Variants in MYPN observed in about 807,000 individuals in gnomAD.
MYPN encodes myopalladin.
MYPN carries 63 observed loss-of-function variants against 129.4 expected under a neutral mutation model. The observed-to-expected ratio is 0.49, with a 90% CI of 0.40 to 0.60. The LOEUF (loss-of-function observed/expected upper bound fraction) is 0.60, where lower values mean the gene tolerates loss of function less well. Among genes scored for constraint, MYPN ranks in the 20% least tolerant of loss-of-function variants. The pLI is 0.00. For missense variants in MYPN, 1,596 were observed against 1,635.4 expected, an observed-to-expected ratio of 0.98 and a Z score of 0.42; for synonymous variants, 629 against 600.9, an observed-to-expected ratio of 1.05 and a Z score of -0.68.
chr10:68,141,108 T>G (rs868539138), intron 2 of MYPN, among the ~76,000 whole-genome samples: 1 of 152,138 alleles, frequency 6.6e-6, no homozygotes, highest in South Asian at 2.1e-4. Flanking sequence ...CAGTGGCTCA[T>G]GCCTGTAATC....
upstream of MYPN, chr10:68,109,259 A>G (rs2042048853): frequency 5.6e-6 from 1 of 177,180 alleles, no homozygotes; most frequent in Non-Finnish European, 1.2e-5. Context: ...ATTTTTTTGA[A>G]TGATGAACTA....
chr10:68,122,089 G>A lies in MYPN; in HGVS notation c.651G>A (p.Ala217=), dbSNP rs2042252455. ...ERSSVPIPIP[A]DTRDNEVNHA... is the part of the protein sequence containing the mutation. The stretch of plus-strand genomic sequence containing the variant: ...CTTCTGTTCCCATCCCTATCCCTGC[G>A]GATACCAGGGATAATGAAGTGAATC... Residue 217 remains alanine, a synonymous_variant, in exon 2 of 20, where the codon GCG becomes GCA. Coordinates refer to ENST00000358913, the MANE Select transcript of MYPN (RefSeq NM_032578.4). 1.2e-6 allele frequency: 2 copies of A among 1,614,010 alleles called. No homozygotes were observed. Among genetic ancestry groups the A allele is most frequent in the South Asian group, 1.1e-5 (1 of 91,080 alleles).
In MYPN at chr10:68,093,157, C is replaced by T. The variant is rs139256576; in HGVS notation, c.-2+5165C>T. Among the ~76,000 whole-genome samples, 6 of 152,230 alleles carry T rather than the reference C, an allele frequency of 3.9e-5. No homozygotes were observed. The East Asian group carries it at 7.7e-4, about 20-fold the overall frequency. On this transcript the variant is annotated intron_variant, in intron 1 of 6. Coordinates refer to the MYPN transcript ENST00000685154. ...CCTCCCAAAGCGGTGGAATTTTAGG[C>T]GTGAGCCACCAGGTCCAGCTGTCTA... is the stretch of plus-strand genomic sequence containing the variant.
chr10:68,157,438 T>G (rs1200121811), intron 6 of MYPN, among the ~76,000 whole-genome samples: 1 of 152,122 alleles, frequency 6.6e-6, no homozygotes, highest in East Asian at 1.9e-4. Flanking sequence ...TTTTGTGGAC[T>G]AATACATCAC....
Position 68,122,173 on chromosome 10 carries a change from G to C in MYPN, c.735G>C (p.Ala245=). 3 of 1,610,838 alleles carry C rather than the reference G, an allele frequency of 1.9e-6. No homozygotes were observed. The highest frequency in any genetic ancestry group is 2.5e-6 in the Non-Finnish European group (3 of 1,178,112). ...RREAEQAASE[A]AGGDTTPGSS... ...AAGCGGAGCAGGCTGCCAGTGAGGC[G>C]GCTGGTGGAGACACTACACCAGGGT... Residue 245 remains alanine, a synonymous_variant, in exon 2 of 20, where the codon GCG becomes GCC. Coordinates refer to ENST00000358913, the MANE Select transcript of MYPN (RefSeq NM_032578.4).
intron 6 of MYPN, among the ~76,000 whole-genome samples, chr10:68,151,631 G>C (rs1240716391): frequency 1.3e-5 from 2 of 152,132 alleles, no homozygotes; most frequent in Admixed American, 1.3e-4. Context: ...TATCATGCCA[G>C]TTTGTCACAC....
intron 6 of MYPN, among the ~76,000 whole-genome samples, chr10:68,154,627 C>T (rs1191669409): frequency 6.6e-6 from 1 of 152,204 alleles, no homozygotes; most frequent in African/African-American, 2.4e-5. Context: ...CCAACTCCAT[C>T]CTAAAGCACT....
At chr10:68,176,954 T>C (rs1215253551) in intron 12 of MYPN, among the ~76,000 whole-genome samples, 14 of 152,260 alleles carry the variant, frequency 9.2e-5, no homozygotes, top group Admixed American at 9.2e-4. Context: ...ACCACACTTG[T>C]GGTTGTTAAT....
At chr10:68,158,166 CT>C in intron 6 of MYPN, 1 of 272,212 alleles carries the variant, frequency 3.7e-6, no homozygotes. Context: ...TGCGGGTGCC[CT>C]TTTTCTCCCT....
At position 68,126,635 on chromosome 10, in the gene MYPN, T is replaced by C. The variant is rs778828409; in HGVS notation, c.902+4295T>C. Among the ~76,000 whole-genome samples the C allele has an allele frequency of 5.9e-5, 9 of 152,228 alleles. No homozygotes were observed. In the East Asian group the frequency reaches 1.7e-3, roughly 29 times the overall value. The stretch of plus-strand genomic sequence containing the variant: ...AGAAAAGAAATCAAGCTGAACTTGG[T>C]GACACACCACAGAAGAAGGATGGGT... On this transcript the variant is annotated intron_variant, in intron 2 of 19. Transcript: ENST00000358913.
chr10:68,166,117 T>C (rs1454680436), intron 9 of MYPN, among the ~76,000 whole-genome samples, 177 bp from the exon 10 acceptor site: 3 of 152,196 alleles, frequency 2.0e-5, no homozygotes, highest in African/African-American at 7.2e-5. Flanking sequence ...TTTTTTATTT[T>C]TAATTTAATT....
chr10:68,114,554 G>C (rs571358080), intron 1 of MYPN, among the ~76,000 whole-genome samples: 2 of 152,114 alleles, frequency 1.3e-5, no homozygotes, highest in South Asian at 4.2e-4. Flanking sequence ...TCACCATGTT[G>C]ACCAGGCTGG....
chr10:68,194,835 C>A (rs2043578060), intron 14 of MYPN, among the ~76,000 whole-genome samples: 1 of 152,206 alleles, frequency 6.6e-6, no homozygotes, highest in South Asian at 2.1e-4. Flanking sequence ...TTATATCAAT[C>A]ATTCTATCAA....
At chr10:68,138,042 T>G (rs143966044) in intron 2 of MYPN, among the ~76,000 whole-genome samples, 130 of 152,224 alleles carry the variant, frequency 8.5e-4, no homozygotes, top group African/African-American at 3.0e-3. Flanking sequence ...TTAATAAAAG[T>G]AATGATTTTT....
chr10:68,188,245 G>A (rs1468534873), intron 12 of MYPN, among the ~76,000 whole-genome samples: 1 of 152,106 alleles, frequency 6.6e-6, no homozygotes, highest in Non-Finnish European at 1.5e-5. Context: ...CAGTAGCTGG[G>A]ATTATAGGTG....
intron 19 of MYPN, among the ~76,000 whole-genome samples, chr10:68,209,997 C>T (rs1299282956): frequency 2.0e-5 from 3 of 152,114 alleles, no homozygotes; most frequent in South Asian, 2.1e-4. Context: ...CTGGCCGCAT[C>T]TTAGAGGAAT....
At chr10:68,108,300 A>G (rs2042036991), upstream of MYPN, among the ~76,000 whole-genome samples, 1 of 152,218 alleles carries the variant, frequency 6.6e-6, no homozygotes, top group South Asian at 2.1e-4. Context: ...CAATGTGATC[A>G]CAATAAGCAA....
At chr10:68,136,270 C>G (rs925366185) in intron 2 of MYPN, 2 of 988,450 alleles carry the variant, frequency 2.0e-6, no homozygotes, top group Admixed American at 6.1e-5. Flanking sequence ...AAAGGTGGGT[C>G]CTTTTCTTTA....
At chr10:68,123,333 C>T (rs183090954) in intron 2 of MYPN, among the ~76,000 whole-genome samples, 164 of 151,720 alleles carry the variant, frequency 1.1e-3, no homozygotes, top group African/African-American at 3.8e-3. Flanking sequence ...GAGCCGAGAT[C>T]GCACCACTGC....
Sources: gnomAD v4.1 joint callset for allele counts (sites outside exome capture counted in the v4.1 genomes callset) on GRCh38, gnomAD v4.1.1 for gene constraint, MANE v1.5 for transcripts, NCBI Gene and HGNC (gene_info 2026-07-23, HGNC 2026-07-21) for gene names.